The following GRAMD1A variants were observed in gnomAD, a reference collection of about 807,000 sequenced individuals.
GRAMD1A encodes protein Aster-A.
In GRAMD1A, 50 loss-of-function variants were observed where a neutral mutation model predicts 92.0. The observed-to-expected ratio is 0.54, with a 90% CI of 0.43 to 0.69. The LOEUF (loss-of-function observed/expected upper bound fraction) is 0.69. GRAMD1A is among the 30% of genes least tolerant of loss of function. GRAMD1A has a pLI of 0.00. For synonymous variants in GRAMD1A, 405 were observed against 403.6 expected, an observed-to-expected ratio of 1.00 and a Z score of -0.04; for missense variants, 819 against 978.9, an observed-to-expected ratio of 0.84 and a Z score of 2.18.
At chr19:35,008,900 G>A (rs2015014168) in intron 1 of GRAMD1A, among the ~76,000 whole-genome samples, 1 of 152,188 alleles carries the variant, frequency 6.6e-6, no homozygotes, top group South Asian at 2.1e-4. Flanking sequence ...AACTGGATGA[G>A]GACATGTATT....
At chr19:35,022,694 C>T (rs1332082439) in intron 16 of GRAMD1A, among the ~76,000 whole-genome samples, 5 of 152,152 alleles carry the variant, frequency 3.3e-5, no homozygotes, top group Admixed American at 1.3e-4. Context: ...GAAACAGAAG[C>T]AGGATCCCGG....
intron 6 of GRAMD1A, among the ~76,000 whole-genome samples, chr19:35,010,942 CA>C (rs1361642210): frequency 6.6e-6 from 1 of 151,494 alleles, no homozygotes; most frequent in African/African-American, 2.4e-5. Context: ...TCTTAAAAAG[CA>C]AAAAATTAAC....
At chr19:35,019,012 G>A (rs981911153) in intron 11 of GRAMD1A, among the ~76,000 whole-genome samples, 179 bp from the exon 12 acceptor site, 1 of 152,160 alleles carries the variant, frequency 6.6e-6, no homozygotes, top group African/African-American at 2.4e-5. Context: ...CAGCAGTGGA[G>A]GAGATGGCCC....
chr19:34,998,070 C>CAA (rs1185258486), upstream of GRAMD1A, among the ~76,000 whole-genome samples: 19 of 50,106 alleles, frequency 3.8e-4, no homozygotes, highest in Non-Finnish European at 5.2e-4. Flanking sequence ...GACCTTGTCT[C>CAA]AAAAAAAAAA....
rs777613666 is a variant in GRAMD1A, at chr19:35,013,614, GAGCCA to G, written c.798_802del (p.Pro268GlyfsTer47). 6 of 1,613,618 alleles carry G rather than the reference GAGCCA, an allele frequency of 3.7e-6. No homozygotes were observed. In the Admixed American group the frequency reaches 1.0e-4, roughly 27 times the overall value. On this transcript the variant is annotated frameshift_variant, in exon 9 of 20. Coordinates refer to ENST00000317991, the MANE Select transcript of GRAMD1A (RefSeq NM_020895.5). LOFTEE classifies it high-confidence loss of function. This position sits in a 1 kb window ranked among gnomAD's most constrained non-coding sequence, Gnocchi z 4.9. ...CTCGGGGGCAGCTGACCGCAGCCAG[GAGCCA>G]AGCCCAGTGGGTTCGCGCCGTGGCC...
At position 35,010,123 on chromosome 19, in the gene GRAMD1A, G is replaced by T. The variant is rs1360376827; in HGVS notation, c.357G>T (p.Leu119=). The T allele has an allele frequency of 6.2e-7, 1 of 1,613,052 alleles. No homozygotes were observed. Among genetic ancestry groups the T allele is most frequent in the Non-Finnish European group, 8.5e-7 (1 of 1,179,008 alleles). Residue 119 remains leucine, a synonymous_variant, in exon 5 of 20, where the codon CTG becomes CTT. Transcript: ENST00000317991. Reference sequence around the variant, plus strand: ...CCTGCGCCCTGCAGCGTGAGATCCTGCTCCAGGGCCGCCTCTACCTCTCTG... The same window carrying T: ...CCTGCGCCCTGCAGCGTGAGATCCTTCTCCAGGGCCGCCTCTACCTCTCTG... ...DYSCALQREI[L]LQGRLYLSEN... is the part of the protein sequence containing the mutation.
intron 1 of GRAMD1A, among the ~76,000 whole-genome samples, chr19:35,006,711 A>G (rs975288256): frequency 1.3e-5 from 2 of 152,144 alleles, no homozygotes; most frequent in African/African-American, 4.8e-5. Context: ...TCTGGTGGTT[A>G]TTGAGCATTC....
intron 12 of GRAMD1A, 34 bp from the exon 13 acceptor site, chr19:35,019,357 G>C (rs983980583): frequency 1.2e-6 from 2 of 1,613,376 alleles, no homozygotes; most frequent in Non-Finnish European, 1.7e-6. Context: ...GGGTGAGTGG[G>C]GTGGCCCTGA....
chr19:35,006,373 G>C (rs766211682), intron 1 of GRAMD1A, among the ~76,000 whole-genome samples: 4 of 152,190 alleles, frequency 2.6e-5, no homozygotes, highest in Non-Finnish European at 5.9e-5. Flanking sequence ...ATGGCAAGTG[G>C]TTTGCCGCTT....
Position 35,021,687 on chromosome 19 carries a change from G to A in GRAMD1A, c.1580-4G>A, listed in dbSNP as rs747919290. 1.2e-5 allele frequency: 20 copies of A among 1,613,956 alleles called. No homozygotes were observed. Among genetic ancestry groups the A allele is most frequent in the Non-Finnish European group, 1.5e-5 (18 of 1,180,012 alleles). On this transcript the variant is annotated splice_polypyrimidine_tract_variant and splice_region_variant and intron_variant, in intron 14 of 19. Coordinates refer to ENST00000317991, the MANE Select transcript of GRAMD1A (RefSeq NM_020895.5). The surrounding 1 kb of genome is among the most constrained non-coding windows in gnomAD (Gnocchi z 5.3). ...ACATCCAGAGCCCCCTCTCTTTTAC[G>A]CAGAGCGAGAGCTCGCCAAGGCTGA...
chr19:35,000,168 T>A, upstream of GRAMD1A: 1 of 1,008,316 alleles, frequency 9.9e-7, no homozygotes, highest in Non-Finnish European at 1.2e-6. This position sits in a 1 kb window ranked among gnomAD's most constrained non-coding sequence, Gnocchi z 4.9. Flanking sequence ...TTCCCTTCTC[T>A]GTCCAGTCCC....
Position 35,013,186 on chromosome 19 carries a change from G to T in GRAMD1A, c.607-70G>T, listed in dbSNP as rs778261809. On this transcript the variant is annotated intron_variant, in intron 7 of 19. Transcript: ENST00000317991. The surrounding 1 kb of genome is among the most constrained non-coding windows in gnomAD (Gnocchi z 4.9). ...GGGGAACTGCGGAGGCCGAGGGCTG[G>T]TGGGGAATCTGGCGGGCCGGGCTCT... 2.2e-4 allele frequency: 175 copies of T among 792,232 alleles called. No homozygotes were observed. Among genetic ancestry groups the T allele is most frequent in the Non-Finnish European group, 3.2e-4 (152 of 480,294 alleles). 49.1% of individuals were successfully genotyped at this position (792,232 alleles called of 1,614,324 possible).
upstream of GRAMD1A, chr19:34,998,723 T>C (rs1272421194): frequency 6.7e-6 from 1 of 149,790 alleles, no homozygotes; most frequent in East Asian, 2.0e-4. Flanking sequence ...CTCTCTTCCA[T>C]TGGCCGGTGG....
chr19:35,012,832 G>A (rs1343951026), intron 7 of GRAMD1A, among the ~76,000 whole-genome samples: 2 of 152,186 alleles, frequency 1.3e-5, no homozygotes, highest in African/African-American at 4.8e-5. Context: ...AAAATTAGCT[G>A]GGCGTGGTAG....
intron 19 of GRAMD1A, chr19:35,024,762 G>T (rs1208733304): frequency 6.6e-6 from 1 of 152,174 alleles, no homozygotes; most frequent in Non-Finnish European, 1.5e-5. Context: ...TCATAGAGAG[G>T]GTAGGCAGGG....
Position 35,001,607 on chromosome 19 carries a change from CT to C in GRAMD1A, c.8+1134del, listed in dbSNP as rs113097476. On this transcript the variant is annotated intron_variant, in intron 1 of 19. Transcript: ENST00000317991. ...TGTAATTTAGCTCTGAAACGCTCTT[CT>C]TTTTTTTTTTTTCTTTTGAAATAGA... is the stretch of plus-strand genomic sequence containing the variant. Among the ~76,000 whole-genome samples the C allele has an allele frequency of 1.8e-3, 256 of 145,264 alleles. 2 individuals are homozygous for C. Among genetic ancestry groups the C allele is most frequent in the Middle Eastern group, 3.6e-3 (1 of 274 alleles).
At chr19:35,019,939 C>CT (rs1390284158) in intron 13 of GRAMD1A, among the ~76,000 whole-genome samples, 1 of 152,186 alleles carries the variant, frequency 6.6e-6, no homozygotes, top group African/African-American at 2.4e-5. Flanking sequence ...ACCCGACACG[C>CT]TGGTCAGGGA....
At chr19:35,003,468 A>C (rs944590483) in intron 1 of GRAMD1A, among the ~76,000 whole-genome samples, 3 of 152,078 alleles carry the variant, frequency 2.0e-5, no homozygotes, top group African/African-American at 7.2e-5. Flanking sequence ...GGGCAGCCGC[A>C]GGGTCCGCCC....
chr19:35,000,400 G>GCAGCC lies in GRAMD1A; in HGVS notation c.-72_-68dup. 1 of 1,155,754 alleles carries GCAGCC rather than the reference G, an allele frequency of 8.7e-7. No individual in the cohort carries two copies. Among genetic ancestry groups the GCAGCC allele is most frequent in the South Asian group, 4.3e-5 (1 of 23,482 alleles). The allele number at this position is 1,155,754 out of a possible 1,614,324, so 71.6% of individuals were successfully genotyped here. A position where few individuals can be genotyped will look rare whatever the true frequency, so the allele number is the denominator to read the frequency against. ...CCGGTGCCCTGCGGGGACGCCCAGCGCAGCCCAGCCCCGCGCAGCCCAGCC... is the reference window on the plus strand; with the variant it reads ...CCGGTGCCCTGCGGGGACGCCCAGCGCAGCCCAGCCCAGCCCCGCGCAGCCCAGCC... On this transcript the variant is annotated 5_prime_UTR_variant, in exon 1 of 20. Transcript: ENST00000317991. The surrounding 1 kb of genome is among the most constrained non-coding windows in gnomAD (Gnocchi z 4.9).
Sources: allele counts gnomAD v4.1 joint callset (sites outside exome capture counted in the v4.1 genomes callset), GRCh38; gene constraint gnomAD v4.1.1; non-coding constraint Gnocchi (gnomAD v3.1); transcripts MANE v1.5; gene names NCBI Gene and HGNC (gene_info 2026-07-23, HGNC 2026-07-21).